Variants in MAST4 observed in about 807,000 individuals in gnomAD.
MAST4 encodes the protein microtubule associated serine/threonine kinase family member 4.
MAST4 carries 89 observed loss-of-function variants against 162.7 expected under a neutral mutation model. The observed-to-expected ratio is 0.55, with a 90% CI of 0.46 to 0.65. MAST4 has a LOEUF of 0.65. Ranked by LOEUF, MAST4 falls within the 30% of genes least tolerant of loss-of-function variation. The probability of loss-of-function intolerance (pLI) is 0.00; values close to 1 mark genes in which losing one functional copy is unlikely to be tolerated. For missense variants in MAST4, 3,153 were observed against 3,374.0 expected (o/e 0.93, Z 1.62); for synonymous variants, 1,479 against 1,361.1 (o/e 1.09, Z -1.91).
chr5:66,762,131 C>G (rs1753879928), intron 2 of MAST4, among the ~76,000 whole-genome samples: 1 of 152,078 alleles, frequency 6.6e-6, no homozygotes, highest in Non-Finnish European at 1.5e-5. Flanking sequence ...GGACTTGATT[C>G]TCTTGTCATA....
At chr5:67,074,549 A>T (rs1296571342) in intron 5 of MAST4, among the ~76,000 whole-genome samples, 2 of 152,212 alleles carry the variant, frequency 1.3e-5, no homozygotes, top group Non-Finnish European at 2.9e-5. Flanking sequence ...CCTAAACATT[A>T]AATACTAAGA....
At chr5:66,925,863 CTT>C (rs1257342510) in intron 4 of MAST4, among the ~76,000 whole-genome samples, 6 of 152,086 alleles carry the variant, frequency 3.9e-5, no homozygotes, top group Admixed American at 3.3e-4. Flanking sequence ...ATTGCTCCAA[CTT>C]TTAATAAGAA....
chr5:66,671,173 A>G (rs922664923), intron 1 of MAST4, among the ~76,000 whole-genome samples: 1 of 152,218 alleles, frequency 6.6e-6, no homozygotes, highest in African/African-American at 2.4e-5. Context: ...GCATTTAGGT[A>G]AAACCCAACT....
At chr5:67,017,111 G>A (rs1348077063) in intron 4 of MAST4, among the ~76,000 whole-genome samples, 2 of 152,114 alleles carry the variant, frequency 1.3e-5, no homozygotes, top group East Asian at 1.9e-4. Flanking sequence ...TTTAGAGAAC[G>A]AAAAAGTAAC....
chr5:66,718,411 T>A (rs1303198880), intron 1 of MAST4, among the ~76,000 whole-genome samples: 1 of 152,060 alleles, frequency 6.6e-6, no homozygotes, highest in Non-Finnish European at 1.5e-5. Context: ...CTCCTGAACC[T>A]GAGGACCCCA....
chr5:66,839,127 G>T (rs1281818615), intron 3 of MAST4, among the ~76,000 whole-genome samples: 1 of 152,154 alleles, frequency 6.6e-6, no homozygotes, highest in Non-Finnish European at 1.5e-5. Context: ...CCTGTTGATG[G>T]TTGGCAAAAG....
At chr5:66,996,584 G>T (rs2150300467) in intron 4 of MAST4, among the ~76,000 whole-genome samples, 1 of 152,216 alleles carries the variant, frequency 6.6e-6, no homozygotes, top group East Asian at 1.9e-4. Context: ...GTGTCGGCTG[G>T]GCTGAGCTCC....
At position 66,859,213 on chromosome 5, in the gene MAST4, A is replaced by G. The variant is rs1759908254; in HGVS notation, c.643-40738A>G. Among the ~76,000 whole-genome samples the G allele has an allele frequency of 2.0e-5, 3 of 152,166 alleles. No homozygotes were observed. In the South Asian group the frequency reaches 6.2e-4, roughly 32 times the overall value. On this transcript the variant is annotated intron_variant, in intron 3 of 28. Transcript: ENST00000403625. The stretch of plus-strand genomic sequence containing the variant: ...AACGCTTCTTATTTTGTTGTGCAGC[A>G]TGAGAATTAAATACTGCCTCTTTTT...
chr5:66,689,465 C>T (rs1490821288), intron 1 of MAST4, among the ~76,000 whole-genome samples: 1 of 152,150 alleles, frequency 6.6e-6, no homozygotes, highest in East Asian at 1.9e-4. Context: ...TGACTTTTAT[C>T]ATTTTTAGGT....
chr5:67,049,023 G>GTATATATATATACACGTATATATA (rs1554087410), intron 4 of MAST4, among the ~76,000 whole-genome samples: 29 of 85,580 alleles, frequency 3.4e-4, no homozygotes, highest in Non-Finnish European at 4.4e-4. Flanking sequence ...ATATATATAC[G>GTATATATATATACACGTATATATA]TATATATATA....
At chr5:66,624,146 G>GTTTTTT (rs200030700) in intron 1 of MAST4, among the ~76,000 whole-genome samples, 1,043 of 90,038 alleles carry the variant, frequency 0.012, 104 homozygotes, top group East Asian at 0.035. Context: ...TTGTTAAAAT[G>GTTTTTT]TTTTTTTTTT....
intron 12 of MAST4, chr5:67,114,746 A>G (rs1480010379): frequency 6.6e-6 from 1 of 152,478 alleles, no homozygotes; most frequent in East Asian, 1.9e-4. Flanking sequence ...ATTTTTTTTA[A>G]GCTTATAAAA....
At position 66,896,815 on chromosome 5, in the gene MAST4, G is replaced by A. The variant is rs463111; in HGVS notation, c.643-3136G>A. ...GGGTGAAAGGAGCAGGATCATTTAC[G>A]CTTCTTTCTTCTCAGACTCTCCATG... On this transcript the variant is annotated intron_variant, in intron 3 of 28. Transcript: ENST00000403625. 3.9e-5 allele frequency among the ~76,000 whole-genome samples: 6 copies of A among 151,956 alleles called. No individual in the cohort carries two copies. In the East Asian group the frequency reaches 5.8e-4, roughly 15 times the overall value.
At position 67,054,425 on chromosome 5, in the gene MAST4, A is replaced by G. The variant is rs1187365065; in HGVS notation, c.696A>G (p.Lys232=). 4 of 1,608,040 alleles carry G rather than the reference A, an allele frequency of 2.5e-6. No homozygotes were observed. In the South Asian group the frequency reaches 3.3e-5, roughly 13 times the overall value. The part of the protein sequence containing the change: ...RGSFCRTSNR[K]SLIGNGQSPA... Reference sequence around the variant, plus strand: ...ATAGTTGCCGAACAAGCAACCGGAAAAGCTTAATAGGCAATGGGCAGTCAC... The same window carrying G: ...ATAGTTGCCGAACAAGCAACCGGAAGAGCTTAATAGGCAATGGGCAGTCAC... The change falls in exon 5 of 29, where the codon AAA becomes AAG. Residue 232 remains lysine, a synonymous_variant. Coordinates refer to ENST00000403625, the MANE Select transcript of MAST4 (RefSeq NM_001164664.2).
chr5:67,032,274 A>G lies in MAST4; in HGVS notation c.675-22130A>G, dbSNP rs372247460. On this transcript the variant is annotated intron_variant, in intron 4 of 28. Transcript: ENST00000403625. ...CCAGGATCTTTAGGAGAAACTGTAA[A>G]ATGGAAACTTCCACTAATTTGAGAA... 8.5e-5 allele frequency among the ~76,000 whole-genome samples: 13 copies of G among 152,264 alleles called. No homozygotes were observed. The South Asian group carries it at 2.3e-3, about 27-fold the overall frequency.
At chr5:66,687,586 A>G (rs919755878) in intron 1 of MAST4, among the ~76,000 whole-genome samples, 2 of 151,784 alleles carry the variant, frequency 1.3e-5, no homozygotes, top group African/African-American at 4.8e-5. Context: ...ATATGTGTAT[A>G]TATATACATA....
chr5:66,684,639 TC>T (rs1320033657), intron 1 of MAST4, among the ~76,000 whole-genome samples: 1 of 152,240 alleles, frequency 6.6e-6, no homozygotes, highest in Non-Finnish European at 1.5e-5. Flanking sequence ...CAGTCACATG[TC>T]TAATTAATCA....
At chr5:66,943,063 C>G (rs1318936546) in intron 4 of MAST4, among the ~76,000 whole-genome samples, 1 of 152,076 alleles carries the variant, frequency 6.6e-6, no homozygotes, top group Non-Finnish European at 1.5e-5. Flanking sequence ...GGTCCTGCCA[C>G]ATGACCTAAT....
chr5:66,952,740 A>G (rs1048820411), intron 4 of MAST4, among the ~76,000 whole-genome samples: 1 of 152,118 alleles, frequency 6.6e-6, no homozygotes, highest in African/African-American at 2.4e-5. Context: ...AGACTTTACA[A>G]TCGCTGCTCC....
Sources: allele counts gnomAD v4.1 joint callset (sites outside exome capture counted in the v4.1 genomes callset), GRCh38; gene constraint gnomAD v4.1.1; transcripts MANE v1.5; gene names NCBI Gene and HGNC (gene_info 2026-07-23, HGNC 2026-07-21).